Variants in EDA observed in about 807,000 individuals in gnomAD.
The protein encoded by EDA is ectodysplasin-A.
Under a neutral mutation model 23.6 loss-of-function variants are expected in EDA, and 2 were observed. The observed-to-expected ratio is 0.08, with a 90% CI of 0.03 to 0.27. The LOEUF is 0.27. Ranked by LOEUF, EDA falls within the 10% of genes least tolerant of loss-of-function variation. The probability of loss-of-function intolerance (pLI) is 1.00; values close to 1 mark genes in which losing one functional copy is unlikely to be tolerated. For missense variants in EDA, 229 were observed against 324.2 expected, an observed-to-expected ratio of 0.71 and a Z score of 2.26; for synonymous variants, 131 against 132.0, an observed-to-expected ratio of 0.99 and a Z score of 0.05.
chrX:69,970,131 A>C (rs764134306), intron 2 of EDA, among the ~76,000 whole-genome samples: 38 of 112,002 alleles, frequency 3.4e-4, no homozygotes, highest in Admixed American at 2.8e-4. Flanking sequence ...GAAAGAAAAA[A>C]TTCAGTTGAT....
intron 1 of EDA, among the ~76,000 whole-genome samples, chrX:69,713,148 C>T (rs952478089): frequency 1.8e-5 from 2 of 111,283 alleles, no homozygotes; most frequent in African/African-American, 6.5e-5. Flanking sequence ...ACCAACATGG[C>T]ACATGTATAC....
At chrX:69,789,870 G>C (rs2015348695) in intron 1 of EDA, among the ~76,000 whole-genome samples, 1 of 112,086 alleles carries the variant, frequency 8.9e-6, no homozygotes, top group Non-Finnish European at 1.9e-5. Context: ...TAAATGAAAA[G>C]GGGAAAATTG....
chrX:69,705,558 C>T (rs1229605119), intron 1 of EDA, among the ~76,000 whole-genome samples: 2 of 112,227 alleles, frequency 1.8e-5, no homozygotes, highest in Non-Finnish European at 3.8e-5. Flanking sequence ...TTTAAAATGA[C>T]CTGCCTGATT....
chrX:69,676,484 CTG>C (rs372593855), intron 1 of EDA, among the ~76,000 whole-genome samples: 13 of 106,355 alleles, frequency 1.2e-4, no homozygotes, highest in African/African-American at 3.5e-4. Flanking sequence ...ATGAGTTTTT[CTG>C]TGTGTGTGTG....
chrX:69,830,507 C>T (rs1287514880), intron 1 of EDA, among the ~76,000 whole-genome samples: 1 of 111,632 alleles, frequency 9.0e-6, no homozygotes. Flanking sequence ...TTGTATAATC[C>T]TCAAAATATT....
intron 1 of EDA, among the ~76,000 whole-genome samples, chrX:69,649,573 G>C (rs1320673579): frequency 9.4e-6 from 1 of 106,597 alleles, no homozygotes; most frequent in Non-Finnish European, 1.9e-5. Flanking sequence ...TACCCTTGTA[G>C]TATGTGAAAT....
chrX:70,030,160 C>G (rs1373615753), intron 5 of EDA, among the ~76,000 whole-genome samples: 2 of 112,207 alleles, frequency 1.8e-5, no homozygotes, highest in African/African-American at 3.2e-5. Flanking sequence ...TTATATCCAT[C>G]ACCTCATTTG....
intron 1 of EDA, among the ~76,000 whole-genome samples, chrX:69,921,885 T>C (rs2018440839): frequency 9.0e-6 from 1 of 111,472 alleles, no homozygotes; most frequent in African/African-American, 3.3e-5. Flanking sequence ...TAGTGTTGTA[T>C]ATCCACCATT....
chrX:69,732,589 A>T, intron 1 of EDA, among the ~76,000 whole-genome samples: 1 of 112,210 alleles, frequency 8.9e-6, no homozygotes, highest in Non-Finnish European at 1.9e-5. Flanking sequence ...TAGTAGCATG[A>T]TTTATAATCC....
chrX:69,761,639 A>T (rs1375014820), intron 1 of EDA, among the ~76,000 whole-genome samples: 1 of 112,202 alleles, frequency 8.9e-6, no homozygotes, highest in East Asian at 2.8e-4. Flanking sequence ...ATCATTATAA[A>T]CATGAGTATT....
At position 69,974,039 on chromosome X, in the gene EDA, ATT is replaced by A. The variant is rs1484577614; in HGVS notation, c.502+16908_502+16909del. ...ACTAACTTTAAATATATATATATAT[ATT>A]AGGAATATATACAAATGTGATATAA... On this transcript the variant is annotated intron_variant, in intron 2 of 7. Transcript: ENST00000374552. 9.2e-5 allele frequency among the ~76,000 whole-genome samples: 10 copies of A among 109,065 alleles called. No homozygotes were observed. In the East Asian group the frequency reaches 2.9e-3, roughly 31 times the overall value. The allele number at this position is 109,065 out of a possible 115,157, so 94.7% of individuals were successfully genotyped here.
intron 1 of EDA, among the ~76,000 whole-genome samples, chrX:69,679,376 G>A (rs1296322092): frequency 9.1e-6 from 1 of 109,770 alleles, no homozygotes; most frequent in African/African-American, 3.3e-5. Context: ...TCTATTGATT[G>A]GAATAGTTTC....
intron 1 of EDA, among the ~76,000 whole-genome samples, chrX:69,935,591 C>T (rs2018660989): frequency 9.0e-6 from 1 of 111,540 alleles, no homozygotes; most frequent in Non-Finnish European, 1.9e-5. Context: ...ACTGTAATAT[C>T]ATGAGTAAAG....
At chrX:69,879,561 A>G (rs1183162923) in intron 1 of EDA, among the ~76,000 whole-genome samples, 1 of 112,104 alleles carries the variant, frequency 8.9e-6, no homozygotes, top group Non-Finnish European at 1.9e-5. Context: ...TGATGCTGCC[A>G]TTAATGCTGC....
At chrX:69,636,890 G>C (rs993996762) in intron 1 of EDA, among the ~76,000 whole-genome samples, 13 of 111,038 alleles carry the variant, frequency 1.2e-4, no homozygotes, top group African/African-American at 4.3e-4. Flanking sequence ...TGCTCCAGTG[G>C]GGTGTGGCAA....
chrX:69,762,512 G>A (rs754810923), intron 1 of EDA, among the ~76,000 whole-genome samples: 1 of 112,167 alleles, frequency 8.9e-6, no homozygotes, highest in Non-Finnish European at 1.9e-5. Context: ...TGTGTCTCCA[G>A]CTGGCTAAAT....
At chrX:69,784,546 G>A (rs1292413695) in intron 1 of EDA, among the ~76,000 whole-genome samples, 1 of 98,394 alleles carries the variant, frequency 1.0e-5, no homozygotes, top group African/African-American at 3.6e-5. Context: ...TATTAAATAG[G>A]GAATCCTTTC....
intron 2 of EDA, among the ~76,000 whole-genome samples, chrX:70,016,422 C>A (rs180928609): frequency 3.7e-5 from 4 of 107,894 alleles, no homozygotes; most frequent in Non-Finnish European, 5.9e-5. Flanking sequence ...TAAAAAAAAA[C>A]CCAGAATATA....
rs1475987960 is a variant in EDA, at chrX:69,681,253, C to G, written c.396+64549C>G. 2.5e-3 allele frequency among the ~76,000 whole-genome samples: 278 copies of G among 110,370 alleles called. 2 individuals carry two copies. The highest frequency in any genetic ancestry group is 3.6e-3 in the Non-Finnish European group (191 of 52,791). On this transcript the variant is annotated intron_variant, in intron 1 of 7. Transcript: ENST00000374552. ...GACCTTTCTCTCTGGTTGCCCTTAA[C>G]ATTTTTTCCTTCATTTCAACTTTGG...
Sources: allele counts gnomAD v4.1 joint callset (sites outside exome capture counted in the v4.1 genomes callset), GRCh38; gene constraint gnomAD v4.1.1; transcripts MANE v1.5; gene names NCBI Gene and HGNC (gene_info 2026-07-23, HGNC 2026-07-21).